Variants in POLQ observed in about 807,000 individuals in gnomAD.
The protein encoded by POLQ is epididymis secretory sperm binding protein.
POLQ carries 233 observed loss-of-function variants against 259.2 expected under a neutral mutation model. The ratio of observed to expected loss-of-function variants is 0.90; its 90% CI spans 0.81 to 1.00. The LOEUF is 1.00. Ranked by LOEUF, POLQ falls within the 50% of genes least tolerant of loss-of-function variation. POLQ has a pLI of 0.00. For missense variants in POLQ, 2,871 were observed against 3,051.6 expected, an observed-to-expected ratio of 0.94 and a Z score of 1.39; for synonymous variants, 1,025 against 1,048.8, an observed-to-expected ratio of 0.98 and a Z score of 0.44.
chr3:121,454,950 C>T (rs1018995187), intron 25 of POLQ, among the ~76,000 whole-genome samples: 3 of 152,184 alleles, frequency 2.0e-5, no homozygotes, highest in African/African-American at 4.8e-5. Context: ...CAGCACACCA[C>T]ACCTATTCCA....
In POLQ at chr3:121,509,557, T is replaced by C. The variant is rs1209976688; in HGVS notation, c.1959+4A>G. On this transcript the variant is annotated splice_donor_region_variant and intron_variant, in intron 12 of 29. Transcript: ENST00000264233. The stretch of plus-strand genomic sequence containing the variant: ...ACAAACATAATTGTTAAAACAGAAC[T>C]TACCAGATAGAGAATATGAAGATCA... 4.4e-6 allele frequency: 7 copies of C among 1,608,178 alleles called. No homozygotes were observed. The highest frequency in any genetic ancestry group is 5.9e-6 in the Non-Finnish European group (7 of 1,177,710).
Position 121,511,951 on chromosome 3 carries a change from C to A in POLQ, c.1547G>T (p.Arg516Leu). Residue 516 changes from arginine to leucine, a missense_variant, in exon 10 of 30, where the codon CGC (arginine) becomes CTC (leucine). By Grantham distance (102) the Arg-to-Leu change is moderately radical. Around this residue, in one of 3 missense-constraint regions of POLQ, gnomAD observed 783 missense variants for 906.2 expected, o/e 0.86. Transcript: ENST00000264233. The stretch of plus-strand genomic sequence containing the variant: ...TCCTTCTCGTCTTTGCAGACAGCTG[C>A]GAACAGGCTTTAGAGAACCCTGAAG... ...ALLQGSLKPV[R>L]SCLQRREGEE... 1.2e-6 allele frequency: 2 copies of A among 1,613,598 alleles called. No individual in the cohort carries two copies. Among genetic ancestry groups the A allele is most frequent in the Non-Finnish European group, 1.7e-6 (2 of 1,179,516 alleles).
chr3:121,519,760 GATA>G (rs542186359), intron 9 of POLQ, 108 bp downstream of exon 9: 4 of 714,506 alleles, frequency 5.6e-6, no homozygotes, highest in Non-Finnish European at 7.7e-6. Flanking sequence ...TAGTGCATTG[GATA>G]ATAAAGAAAT....
chr3:121,529,519 A>G (rs548767309), intron 7 of POLQ, 126 bp downstream of exon 7: 1 of 864,466 alleles, frequency 1.2e-6, no homozygotes, highest in African/African-American at 1.7e-5. Flanking sequence ...GGTAAAAAGG[A>G]TACCACCTAG....
intron 4 of POLQ, among the ~76,000 whole-genome samples, chr3:121,538,645 T>C (rs1178521483): frequency 2.6e-5 from 4 of 151,632 alleles, no homozygotes; most frequent in Non-Finnish European, 5.9e-5. Context: ...CTAGGTACAT[T>C]GGAAATAGCA....
At chr3:121,494,108 A>T in intron 14 of POLQ, 1 of 717,912 alleles carries the variant, frequency 1.4e-6, no homozygotes, top group Non-Finnish European at 2.5e-6. Context: ...CCGCCACCCA[A>T]GATGCCGAAA....
At position 121,487,624 on chromosome 3, in the gene POLQ, A is replaced by G; in HGVS notation, c.5307T>C (p.Gly1769=). Residue 1769 remains glycine (G), a synonymous_variant, in exon 16 of 30, where the codon GGT becomes GGC. Transcript: ENST00000264233. ...PWKTNNVLQP[G]ESYLFGSPSD... is the part of the protein sequence containing the mutation. ...AAGGTGAGCCAAATAAATAACTTTC[A>G]CCAGGTTGTAAAACATTATTAGTTT... The G allele has an allele frequency of 6.2e-7, 1 of 1,613,938 alleles. No homozygotes were observed. The highest frequency in any genetic ancestry group is 1.3e-5 in the African/African-American group (1 of 75,012).
At chr3:121,534,666 G>A (rs1038709534) in intron 5 of POLQ, among the ~76,000 whole-genome samples, 3 of 152,124 alleles carry the variant, frequency 2.0e-5, no homozygotes, top group Non-Finnish European at 2.9e-5. Context: ...TTGATTCTCA[G>A]TCTCTCTTCC....
At chr3:121,540,942 A>C (rs2048485138) in intron 3 of POLQ, among the ~76,000 whole-genome samples, 1 of 148,798 alleles carries the variant, frequency 6.7e-6, no homozygotes, top group Non-Finnish European at 1.5e-5. Flanking sequence ...CCCAGGCTGG[A>C]GTGCAATAGC....
At chr3:121,483,603 A>AT (rs2047988139) in intron 17 of POLQ, 21 bp from the exon 18 acceptor site, 3 of 1,417,718 alleles carry the variant, frequency 2.1e-6, no homozygotes, top group Non-Finnish European at 2.8e-6. Context: ...AAAAAAAAAA[A>AT]GGAAAAAACA....
At chr3:121,525,188 A>T (rs2048364301) in intron 7 of POLQ, among the ~76,000 whole-genome samples, 1 of 152,070 alleles carries the variant, frequency 6.6e-6, no homozygotes, top group African/African-American at 2.4e-5. Context: ...AAAAATACAA[A>T]AAATTAGCTG....
At chr3:121,533,579 T>C (rs2108818495) in intron 5 of POLQ, among the ~76,000 whole-genome samples, 1 of 152,154 alleles carries the variant, frequency 6.6e-6, no homozygotes, top group African/African-American at 2.4e-5. Context: ...GCAATGGACC[T>C]GTCTCGGCTC....
intron 5 of POLQ, among the ~76,000 whole-genome samples, chr3:121,535,544 T>C (rs1349762246): frequency 6.6e-6 from 1 of 151,748 alleles, no homozygotes; most frequent in African/African-American, 2.4e-5. Flanking sequence ...GGTGAAACCC[T>C]GTCTCTACTA....
chr3:121,481,481 A>G (rs960128826), intron 19 of POLQ, 91 bp downstream of exon 19: 1 of 1,167,578 alleles, frequency 8.6e-7, no homozygotes, highest in Non-Finnish European at 1.2e-6. Flanking sequence ...TAGGATTTGC[A>G]TAAATGTGTA....
chr3:121,517,372 T>G (rs576340876), intron 9 of POLQ, among the ~76,000 whole-genome samples: 92 of 145,692 alleles, frequency 6.3e-4, no homozygotes, highest in African/African-American at 2.2e-3. Context: ...GGAAGTTTTG[T>G]TTTTTTTTTT....
intron 19 of POLQ, among the ~76,000 whole-genome samples, chr3:121,477,977 A>G (rs1379516333): frequency 6.6e-6 from 1 of 152,332 alleles, no homozygotes. Flanking sequence ...ACTTGAGACT[A>G]GAGAAATAAT....
At chr3:121,498,250 C>T (rs1456221590) in intron 13 of POLQ, among the ~76,000 whole-genome samples, 1 of 151,414 alleles carries the variant, frequency 6.6e-6, no homozygotes, top group African/African-American at 2.4e-5. Flanking sequence ...GCGGAGGTTG[C>T]GGTGAGCTGA....
chr3:121,498,716 A>G, intron 12 of POLQ, 46 bp from the exon 13 acceptor site: 1 of 1,346,812 alleles, frequency 7.4e-7, no homozygotes, highest in Non-Finnish European at 1.0e-6. Context: ...ATTATATTAC[A>G]AAAAACCATT....
chr3:121,474,742 T>C lies in POLQ; in HGVS notation c.6406-1255A>G, dbSNP rs79130796. 6.7e-3 allele frequency among the ~76,000 whole-genome samples: 1,021 copies of C among 152,310 alleles called. 6 individuals carry two copies. The highest frequency in any genetic ancestry group is 0.013 in the South Asian group (62 of 4,828). ...GTCAGTAACTATTTAGCCCAAGAAC[T>C]ATGTTACACAGATATGAACATATGC... On this transcript the variant is annotated intron_variant, in intron 20 of 29. Transcript: ENST00000264233.
Sources: allele counts gnomAD v4.1 joint callset (sites outside exome capture counted in the v4.1 genomes callset), GRCh38; gene constraint gnomAD v4.1.1; regional missense constraint gnomAD v4.1.1; transcripts MANE v1.5; gene names NCBI Gene and HGNC (gene_info 2026-07-23, HGNC 2026-07-21).